The following DPP10 variants were observed in gnomAD, a reference collection of about 807,000 sequenced individuals.
DPP10 encodes the protein dipeptidyl peptidase like 10, also known as inactive dipeptidyl peptidase 10.
DPP10 carries 33 observed loss-of-function variants against 120.9 expected under a neutral mutation model. The ratio of observed to expected loss-of-function variants is 0.27; its 90% confidence interval spans 0.21 to 0.37. The LOEUF (loss-of-function observed/expected upper bound fraction) is 0.37, where lower values mean the gene tolerates loss of function less well. Ranked by LOEUF, DPP10 falls within the 10% of genes least tolerant of loss-of-function variation. The pLI is 1.00. For synonymous variants in DPP10, 337 were observed against 326.1 expected (o/e 1.03, Z -0.36); for missense variants, 816 against 942.8 (o/e 0.87, Z 1.76).
chr2:115,208,595 T>C (rs1471258589), intron 1 of DPP10, among the ~76,000 whole-genome samples: 3 of 152,190 alleles, frequency 2.0e-5, no homozygotes, highest in African/African-American at 7.2e-5. Flanking sequence ...GTCTCCCTTA[T>C]CTGCATTATT....
intron 1 of DPP10, among the ~76,000 whole-genome samples, chr2:115,005,961 C>T (rs940016960): frequency 1.3e-5 from 2 of 152,000 alleles, no homozygotes; most frequent in Non-Finnish European, 2.9e-5. Flanking sequence ...TAAGGGCAGC[C>T]AGAGAGAAAG....
At chr2:115,438,231 A>G (rs572233232) in intron 3 of DPP10, among the ~76,000 whole-genome samples, 1 of 152,258 alleles carries the variant, frequency 6.6e-6, no homozygotes, top group East Asian at 1.9e-4. Flanking sequence ...AAATATTGCA[A>G]CAACAACAAA....
At chr2:114,721,246 G>A (rs187594811) in intron 1 of DPP10, among the ~76,000 whole-genome samples, 1 of 152,136 alleles carries the variant, frequency 6.6e-6, no homozygotes, top group Non-Finnish European at 1.5e-5. Context: ...TACTTACTTT[G>A]CAGATTTGCT....
intron 1 of DPP10, among the ~76,000 whole-genome samples, chr2:114,446,501 G>T (rs1677953333): frequency 6.6e-6 from 1 of 152,104 alleles, no homozygotes; most frequent in Non-Finnish European, 1.5e-5. Flanking sequence ...CCCTTCCCAT[G>T]TAGTGACCGG....
chr2:114,575,117 G>A (rs920012375), intron 1 of DPP10, among the ~76,000 whole-genome samples: 1 of 152,280 alleles, frequency 6.6e-6, no homozygotes, highest in South Asian at 2.1e-4. Context: ...GAAGCAATGG[G>A]ACATTTGATG....
At chr2:115,149,261 A>C (rs1331720345) in intron 1 of DPP10, among the ~76,000 whole-genome samples, 2 of 152,188 alleles carry the variant, frequency 1.3e-5, no homozygotes, top group Admixed American at 1.3e-4. Context: ...TTTCTTGGTG[A>C]TTATAAAATG....
Position 114,507,357 on chromosome 2 carries a change from T to C in DPP10, c.60+64519T>C, listed in dbSNP as rs72951819. ...AATCACTATGGCCAGCCTTCAGTTT[T>C]CATTTGCATTGTTCTGAAACAATTT... On this transcript the variant is annotated intron_variant, in intron 1 of 25. Coordinates refer to ENST00000410059, the MANE Select transcript of DPP10 (RefSeq NM_020868.6). Among the ~76,000 whole-genome samples, 788 of 152,296 alleles carry C rather than the reference T, an allele frequency of 5.2e-3. 7 individuals are homozygous for C. The highest frequency in any genetic ancestry group is 0.017 in the African/African-American group (721 of 41,580).
At chr2:115,262,427 T>A (rs1222395145) in intron 1 of DPP10, among the ~76,000 whole-genome samples, 1 of 152,056 alleles carries the variant, frequency 6.6e-6, no homozygotes, top group Non-Finnish European at 1.5e-5. Context: ...TATTTTTAGT[T>A]TAAAAATATT....
chr2:114,624,032 A>C (rs1694302048), intron 1 of DPP10, among the ~76,000 whole-genome samples: 1 of 152,092 alleles, frequency 6.6e-6, no homozygotes, highest in Non-Finnish European at 1.5e-5. Context: ...TACATAAAAC[A>C]CTTAAACAGT....
intron 1 of DPP10, among the ~76,000 whole-genome samples, chr2:115,225,021 T>C (rs1025039267): frequency 2.6e-5 from 4 of 152,168 alleles, no homozygotes; most frequent in African/African-American, 7.2e-5. Flanking sequence ...TGTGCTACAC[T>C]CATCTTTTGG....
At chr2:115,146,165 C>A (rs964098620) in intron 1 of DPP10, among the ~76,000 whole-genome samples, 1 of 152,100 alleles carries the variant, frequency 6.6e-6, no homozygotes, top group African/African-American at 2.4e-5. Context: ...CATCTTTTAA[C>A]CACTACATAC....
At chr2:114,549,653 T>C (rs1263643373) in intron 1 of DPP10, among the ~76,000 whole-genome samples, 3 of 124,872 alleles carry the variant, frequency 2.4e-5, no homozygotes, top group African/African-American at 9.1e-5. Flanking sequence ...AGAGTGAGAC[T>C]GTGTGTCAAC....
chr2:114,495,381 A>T (rs756170370), intron 1 of DPP10, among the ~76,000 whole-genome samples: 1 of 152,202 alleles, frequency 6.6e-6, no homozygotes, highest in African/African-American at 2.4e-5. Flanking sequence ...AAAGTTTTTT[A>T]TACTATAAGT....
chr2:115,489,198 G>A (rs1201923242), intron 3 of DPP10, among the ~76,000 whole-genome samples: 1 of 151,960 alleles, frequency 6.6e-6, no homozygotes, highest in Non-Finnish European at 1.5e-5. Context: ...CTGTTATAGT[G>A]CATAAGCAGC....
intron 7 of DPP10, among the ~76,000 whole-genome samples, chr2:115,720,556 A>G (rs2092622432): frequency 6.6e-6 from 1 of 152,024 alleles, no homozygotes; most frequent in East Asian, 1.9e-4. Context: ...AATATCTCTG[A>G]TAAAAAATAA....
intron 1 of DPP10, among the ~76,000 whole-genome samples, chr2:114,961,274 G>A (rs987544128): frequency 4.0e-5 from 6 of 151,854 alleles, no homozygotes; most frequent in Admixed American, 3.9e-4. Context: ...GGCTGGTCTC[G>A]AACTCCCGAC....
At chr2:114,636,806 G>A (rs1228702683) in intron 1 of DPP10, among the ~76,000 whole-genome samples, 1 of 151,774 alleles carries the variant, frequency 6.6e-6, no homozygotes, top group African/African-American at 2.4e-5. Context: ...TCCTTAGATG[G>A]TTTTTGATAT....
chr2:115,534,929 C>G (rs1051949447), intron 5 of DPP10, among the ~76,000 whole-genome samples: 1 of 151,704 alleles, frequency 6.6e-6, no homozygotes. Context: ...AGTGTCTGTT[C>G]ATGTCCTTCG....
At chr2:115,370,795 A>G (rs967958282) in intron 3 of DPP10, among the ~76,000 whole-genome samples, 3 of 152,032 alleles carry the variant, frequency 2.0e-5, no homozygotes, top group African/African-American at 7.2e-5. Flanking sequence ...TTGTCCCTGG[A>G]ATTTCTGATT....
Sources: gnomAD v4.1 joint callset for allele counts (sites outside exome capture counted in the v4.1 genomes callset) on GRCh38, gnomAD v4.1.1 for gene constraint, MANE v1.5 for transcripts, NCBI Gene and HGNC (gene_info 2026-07-23, HGNC 2026-07-21) for gene names.